Variants in CXCL12 observed in about 807,000 individuals in gnomAD.
CXCL12 encodes the protein C-X-C motif chemokine ligand 12.
In CXCL12, 4 loss-of-function variants were observed where a neutral mutation model predicts 10.7. The observed-to-expected ratio is 0.37, with a 90% CI of 0.18 to 0.86. The LOEUF (loss-of-function observed/expected upper bound fraction) is 0.86. CXCL12 is among the 40% of genes least tolerant of loss of function. CXCL12 has a pLI of 0.43. For missense variants in CXCL12, 122 were observed against 110.4 expected (o/e 1.10, Z -0.47); for synonymous variants, 54 against 45.4 (o/e 1.19, Z -0.77).
chr10:44,373,539 C>T (rs1320634751), downstream of CXCL12, among the ~76,000 whole-genome samples: 1 of 152,202 alleles, frequency 6.6e-6, no homozygotes, highest in South Asian at 2.1e-4. Flanking sequence ...CAGGCTGAAG[C>T]GGAGGGACCC....
downstream of CXCL12, among the ~76,000 whole-genome samples, chr10:44,376,655 A>G (rs148782438): frequency 1.5e-3 from 227 of 152,332 alleles, 3 homozygotes; most frequent in East Asian, 0.021. Context: ...TGACTGTCAC[A>G]TTAAAATGAT....
In CXCL12 at chr10:44,377,882, C is replaced by G; in HGVS notation, c.*751G>C. ...ACGAGCCCCAGCAATCACCCTCTTC[C>G]CGGCTGGTGCGGCGCTGATCAGGCT... On this transcript the variant is annotated 3_prime_UTR_variant, in exon 3 of 3. Transcript: ENST00000343575. 1.9e-6 allele frequency: 3 copies of G among 1,576,880 alleles called. No individual in the cohort carries two copies. Among genetic ancestry groups the G allele is most frequent in the Non-Finnish European group, 2.6e-6 (3 of 1,169,740 alleles).
chr10:44,378,510 CCA>C lies in CXCL12; in HGVS notation c.*121_*122del, dbSNP rs909341934. 15 of 1,552,714 alleles carry C rather than the reference CCA, an allele frequency of 9.7e-6. No homozygotes were observed. Among genetic ancestry groups the C allele is most frequent in the African/African-American group, 9.5e-5 (7 of 73,858 alleles). The stretch of plus-strand genomic sequence containing the variant: ...CCGATCCCAGATCAATGTGCCCACC[CCA>C]CACACACACCTGGTCCTCATGGTTA... On this transcript the variant is annotated 3_prime_UTR_variant, in exon 3 of 3. Transcript: ENST00000343575.
At position 44,385,040 on chromosome 10, in the gene CXCL12, C is replaced by T; in HGVS notation, c.-35G>A. The T allele has an allele frequency of 1.4e-6, 2 of 1,430,468 alleles. No homozygotes were observed. Among genetic ancestry groups the T allele is most frequent in the South Asian group, 2.6e-5 (2 of 76,448 alleles). 88.6% of individuals were successfully genotyped at this position (1,430,468 alleles called of 1,614,324 possible). On this transcript the variant is annotated 5_prime_UTR_variant, in exon 1 of 3. Coordinates refer to ENST00000343575, the MANE Select transcript of CXCL12 (RefSeq NM_199168.4). ...GGGCGGGCGGGCGGGCGGACGAGCG[C>T]GGGTCGGGGGCCGGACGCCGAGCGG...
downstream of CXCL12, chr10:44,376,947 T>A (rs1588897495): frequency 4.7e-6 from 1 of 214,810 alleles, no homozygotes; most frequent in Non-Finnish European, 7.9e-6. Context: ...AAACTTGAGC[T>A]GCAGATCTAA....
At chr10:44,384,620 G>T (rs1188239178) in intron 1 of CXCL12, among the ~76,000 whole-genome samples, 1 of 152,230 alleles carries the variant, frequency 6.6e-6, no homozygotes, top group Non-Finnish European at 1.5e-5. Context: ...GCAGGGGTCT[G>T]GGGTCCGCGG....
At chr10:44,379,281 G>C (rs972176299) in intron 2 of CXCL12, among the ~76,000 whole-genome samples, 4 of 151,918 alleles carry the variant, frequency 2.6e-5, no homozygotes, top group Admixed American at 6.6e-5. Flanking sequence ...CAGCCAGGGA[G>C]GGGAGGGGCA....
downstream of CXCL12, chr10:44,373,138 T>C (rs1302195865): frequency 2.6e-6 from 4 of 1,534,410 alleles, no homozygotes; most frequent in Admixed American, 2.1e-5. Context: ...ATAATCAAAC[T>C]AAATGAAAAA....
downstream of CXCL12, chr10:44,375,727 A>T: frequency 1.1e-6 from 1 of 923,304 alleles, no homozygotes; most frequent in Non-Finnish European, 1.6e-6. Context: ...CTGCACAACT[A>T]CTTTCTTCAT....
downstream of CXCL12, among the ~76,000 whole-genome samples, chr10:44,376,715 G>A (rs532272224): frequency 6.6e-6 from 1 of 152,258 alleles, no homozygotes; most frequent in Non-Finnish European, 1.5e-5. Context: ...ACCTGTCCCT[G>A]TGAAAGCTTC....
intron 1 of CXCL12, among the ~76,000 whole-genome samples, chr10:44,383,762 T>C (rs528008936): frequency 1.3e-5 from 2 of 152,258 alleles, no homozygotes; most frequent in East Asian, 3.9e-4. Context: ...TCAGCTGCGC[T>C]GGTCCTGCTC....
At chr10:44,373,788 G>T (rs1839380436), downstream of CXCL12, among the ~76,000 whole-genome samples, 1 of 152,222 alleles carries the variant, frequency 6.6e-6, no homozygotes, top group Admixed American at 6.5e-5. Context: ...TCAGCCAGGG[G>T]CCATGCCACC....
At chr10:44,381,426 CT>C (rs1564463393) in intron 1 of CXCL12, among the ~76,000 whole-genome samples, 1 of 152,138 alleles carries the variant, frequency 6.6e-6, no homozygotes, top group African/African-American at 2.4e-5. Flanking sequence ...ACCTAAAGCT[CT>C]GGAAGGCACA....
chr10:44,384,918 C>T (rs767905769), intron 1 of CXCL12, 27 bp downstream of exon 1: 42 of 1,527,234 alleles, frequency 2.8e-5, no homozygotes, highest in Middle Eastern at 2.1e-4. Context: ...AGAGCCTCGC[C>T]AGGGCCTCCC....
intron 1 of CXCL12, among the ~76,000 whole-genome samples, chr10:44,381,959 C>T (rs1839646064): frequency 6.6e-6 from 1 of 151,866 alleles, no homozygotes; most frequent in Admixed American, 6.6e-5. Context: ...GGAAAGAATG[C>T]TGGGGAAGTA....
rs999993298 is a variant in CXCL12, at chr10:44,385,063, C to T, written c.-58G>A. On this transcript the variant is annotated 5_prime_UTR_variant, in exon 1 of 3. Transcript: ENST00000343575. ...CGCGGGTCGGGGGCCGGACGCCGAG[C>T]GGGCAATGCGGCTGACGGAGAGTGA... is the stretch of plus-strand genomic sequence containing the variant. 1.0e-5 allele frequency: 13 copies of T among 1,280,440 alleles called. No homozygotes were observed. The highest frequency in any genetic ancestry group is 1.6e-5 in the African/African-American group (1 of 64,244). 79.3% of individuals were successfully genotyped at this position (1,280,440 alleles called of 1,614,324 possible).
chr10:44,378,942 G>A (rs1162692218), intron 2 of CXCL12, among the ~76,000 whole-genome samples: 1 of 152,194 alleles, frequency 6.6e-6, no homozygotes, highest in Non-Finnish European at 1.5e-5. Flanking sequence ...GTGAACAGAA[G>A]TCTTTCCGGG....
In CXCL12 at chr10:44,378,089, C is replaced by A. The variant is rs185780815; in HGVS notation, c.*544G>T. On this transcript the variant is annotated 3_prime_UTR_variant, in exon 3 of 3. Transcript: ENST00000343575. ...GGCAGTGGCGGCGCCCAGCCCCAGT[C>A]GGTATCTGAGTGCCACAGAGGCCTT... The A allele has an allele frequency of 7.0e-4, 1,010 of 1,451,756 alleles. 2 individuals are homozygous for A. The African/African-American group carries it at 0.012, about 17-fold the overall frequency. The allele number at this position is 1,451,756 out of a possible 1,614,324, so 89.9% of individuals were successfully genotyped here.
At chr10:44,374,863 G>C, downstream of CXCL12, 1 of 369,048 alleles carries the variant, frequency 2.7e-6, no homozygotes, top group Non-Finnish European at 5.4e-6. Flanking sequence ...CTTTTTCCGA[G>C]CACTACTGAA....
Sources: allele counts gnomAD v4.1 joint callset (sites outside exome capture counted in the v4.1 genomes callset), GRCh38; gene constraint gnomAD v4.1.1; transcripts MANE v1.5; gene names NCBI Gene and HGNC (gene_info 2026-07-23, HGNC 2026-07-21).